The following CSGALNACT1 variants were observed in gnomAD, a reference collection of about 807,000 sequenced individuals.
The protein encoded by CSGALNACT1 is beta4GalNAcT-1.
CSGALNACT1 carries 52 observed loss-of-function variants against 51.0 expected under a neutral mutation model. The observed-to-expected ratio is 1.02, with a 90% confidence interval of 0.82 to 1.29. The LOEUF (loss-of-function observed/expected upper bound fraction) is 1.29. Ranked by LOEUF, CSGALNACT1 falls within the 50% of genes most tolerant of loss-of-function variation. CSGALNACT1 has a pLI of 0.00. For missense variants in CSGALNACT1, 935 were observed against 679.2 expected, an observed-to-expected ratio of 1.38 and a Z score of -4.19; for synonymous variants, 341 against 254.4, an observed-to-expected ratio of 1.34 and a Z score of -3.24.
intron 2 of CSGALNACT1, among the ~76,000 whole-genome samples, chr8:19,599,089 G>C (rs1373046745): frequency 6.6e-6 from 1 of 151,982 alleles, no homozygotes; most frequent in Non-Finnish European, 1.5e-5. Context: ...AGAAGGGCCA[G>C]AGGTGGGAGA....
At chr8:19,543,052 T>A (rs910654177) in intron 3 of CSGALNACT1, among the ~76,000 whole-genome samples, 1 of 152,144 alleles carries the variant, frequency 6.6e-6, no homozygotes, top group Non-Finnish European at 1.5e-5. Context: ...TTGGAAGCAG[T>A]CAGTTACATA....
chr8:19,626,111 A>G (rs971602667), intron 1 of CSGALNACT1, among the ~76,000 whole-genome samples: 1 of 152,234 alleles, frequency 6.6e-6, no homozygotes, highest in African/African-American at 2.4e-5. Flanking sequence ...CTAAAAAGTT[A>G]AAACAATTTT....
At chr8:19,522,650 G>T (rs2080955860) in intron 3 of CSGALNACT1, among the ~76,000 whole-genome samples, 1 of 152,188 alleles carries the variant, frequency 6.6e-6, no homozygotes, top group Admixed American at 6.5e-5. Flanking sequence ...CAACTTACCA[G>T]AAGGACTCTG....
chr8:19,505,384 A>G, exon 4 of CSGALNACT1: 1 of 1,614,174 alleles, frequency 6.2e-7, no homozygotes, highest in Non-Finnish European at 8.5e-7. Flanking sequence ...TGTAGAGTAA[A>G]GCTATCGAAA....
chr8:19,491,908 T>G (rs6999593), intron 4 of CSGALNACT1, among the ~76,000 whole-genome samples: 25,501 of 152,200 alleles, frequency 0.17, 2,380 homozygotes, highest in African/African-American at 0.25. Context: ...TTTTCAAGCA[T>G]TGCAGTGCAA....
At chr8:19,666,587 C>G (rs1240102771) in intron 1 of CSGALNACT1, among the ~76,000 whole-genome samples, 1 of 151,058 alleles carries the variant, frequency 6.6e-6, no homozygotes, top group Non-Finnish European at 1.5e-5. Context: ...CCCAGCTACT[C>G]AGGAGGGAGA....
chr8:19,542,358 G>A (rs962258859), intron 3 of CSGALNACT1, among the ~76,000 whole-genome samples: 1 of 152,174 alleles, frequency 6.6e-6, no homozygotes, highest in African/African-American at 2.4e-5. Context: ...AAGAAGGGAA[G>A]AATGTTTATT....
At chr8:19,697,674 C>T (rs986529176) in intron 1 of CSGALNACT1, among the ~76,000 whole-genome samples, 1 of 152,170 alleles carries the variant, frequency 6.6e-6, no homozygotes, top group African/African-American at 2.4e-5. Context: ...CCAGCGGCTT[C>T]AGGGCCCTTG....
At chr8:19,721,601 C>A (rs541575672) in intron 1 of CSGALNACT1, among the ~76,000 whole-genome samples, 1 of 152,250 alleles carries the variant, frequency 6.6e-6, no homozygotes, top group East Asian at 1.9e-4. Context: ...TAGCTAAAAG[C>A]ATTTAAATTG....
chr8:19,480,125 T>C (rs1261335047), intron 4 of CSGALNACT1, among the ~76,000 whole-genome samples: 1 of 152,248 alleles, frequency 6.6e-6, no homozygotes, highest in Non-Finnish European at 1.5e-5. Flanking sequence ...TTTTTGCTTT[T>C]ATTTGAAGTT....
intron 6 of CSGALNACT1, among the ~76,000 whole-genome samples, chr8:19,436,251 G>A (rs1283568226): frequency 1.3e-5 from 2 of 152,158 alleles, no homozygotes; most frequent in Non-Finnish European, 2.9e-5. Flanking sequence ...ATTTCATTTA[G>A]TGTGACTATA....
intron 1 of CSGALNACT1, among the ~76,000 whole-genome samples, chr8:19,622,099 G>T (rs2053897178): frequency 6.6e-6 from 1 of 152,206 alleles, no homozygotes; most frequent in African/African-American, 2.4e-5. Flanking sequence ...TGGAAGAAAA[G>T]CACAGTGGAA....
intron 1 of CSGALNACT1, among the ~76,000 whole-genome samples, chr8:19,751,182 G>T (rs2065003931): frequency 6.6e-6 from 1 of 152,140 alleles, no homozygotes; most frequent in Non-Finnish European, 1.5e-5. Context: ...CATGAGCTCA[G>T]GTCCTGGAGC....
intron 3 of CSGALNACT1, among the ~76,000 whole-genome samples, chr8:19,513,087 C>T (rs9644630): frequency 0.55 from 84,247 of 151,838 alleles, 24,277 homozygotes; most frequent in East Asian, 0.83. Flanking sequence ...GCCATTGACT[C>T]ATCACCATGT....
At chr8:19,431,856 C>T (rs529019607) in intron 6 of CSGALNACT1, among the ~76,000 whole-genome samples, 1 of 151,240 alleles carries the variant, frequency 6.6e-6, no homozygotes, top group Non-Finnish European at 1.5e-5. Flanking sequence ...TGTTATAAGT[C>T]TAGTTAGATT....
rs10105392 is a variant in CSGALNACT1, at chr8:19,757,127, C to T, written c.-297+723G>A. On this transcript the variant is annotated intron_variant, in intron 1 of 1. Transcript: ENST00000517494. The surrounding 1 kb of genome is among the most constrained non-coding windows in gnomAD (Gnocchi z 4.0). Reference sequence around the variant, plus strand: ...CGGGGCTGTGGGGATCTGCCGGCGCCACTGACGCCCCCGCGCGGCACACCG... The same window carrying T: ...CGGGGCTGTGGGGATCTGCCGGCGCTACTGACGCCCCCGCGCGGCACACCG... 0.34 allele frequency: 50,795 copies of T among 149,686 alleles called. 9,055 individuals carry two copies. The highest frequency in any genetic ancestry group is 0.41 in the African/African-American group (16,779 of 41,216). The allele number at this position is 149,686 out of a possible 1,614,324, so 9.3% of individuals were successfully genotyped here.
intron 4 of CSGALNACT1, among the ~76,000 whole-genome samples, chr8:19,482,647 G>A (rs1171225429): frequency 2.6e-5 from 4 of 151,886 alleles, no homozygotes; most frequent in Admixed American, 6.6e-5. Flanking sequence ...TTTCCATCAC[G>A]GGTGCCCTTC....
chr8:19,496,267 T>G (rs7818691), intron 4 of CSGALNACT1, among the ~76,000 whole-genome samples: 94,446 of 152,140 alleles, frequency 0.62, 30,367 homozygotes, highest in East Asian at 0.85. Flanking sequence ...ATCACCACCA[T>G]AGAACACAGA....
chr8:19,506,097 C>G (rs755172387), exon 4 of CSGALNACT1: 1 of 646,900 alleles, frequency 1.5e-6, no homozygotes, highest in South Asian at 1.5e-5. Flanking sequence ...CCCATCACAG[C>G]CTTCCTGATG....
Sources: gnomAD v4.1 joint callset for allele counts (sites outside exome capture counted in the v4.1 genomes callset) on GRCh38, gnomAD v4.1.1 for gene constraint, Gnocchi (gnomAD v3.1) non-coding constraint, MANE v1.5 for transcripts, NCBI Gene and HGNC (gene_info 2026-07-23, HGNC 2026-07-21) for gene names.